The following RPS6KA2 variants were observed in gnomAD, a reference collection of about 807,000 sequenced individuals.
The protein encoded by RPS6KA2 is ribosomal protein S6 kinase alpha-2.
RPS6KA2 carries 42 observed loss-of-function variants against 91.8 expected under a neutral mutation model. That is an observed-to-expected ratio of 0.46 (90% CI 0.36 to 0.59). RPS6KA2 has a LOEUF of 0.59. Among genes scored for constraint, RPS6KA2 ranks in the 20% least tolerant of loss-of-function variants. RPS6KA2 has a pLI of 0.00. For missense variants in RPS6KA2, 798 were observed against 978.5 expected (o/e 0.82, Z 2.46); for synonymous variants, 414 against 393.6 (o/e 1.05, Z -0.61).
In RPS6KA2 at chr6:166,603,800, G is replaced by A. The variant is rs1389624668; in HGVS notation, c.99+23121C>T. On this transcript the variant is annotated intron_variant, in intron 1 of 20. Coordinates refer to ENST00000265678, the MANE Select transcript of RPS6KA2 (RefSeq NM_021135.6). This position sits in a 1 kb window ranked among gnomAD's most constrained non-coding sequence, Gnocchi z 4.3. ...CCAGGTGTATCAAATAAATGCCCCC[G>A]TACTGTTGTTTGCGATAACAAGTCA... 6.6e-6 allele frequency among the ~76,000 whole-genome samples: 1 copy of A among 152,184 alleles called. No individual in the cohort carries two copies. Among genetic ancestry groups the A allele is most frequent in the Non-Finnish European group, 1.5e-5 (1 of 68,026 alleles).
chr6:166,802,411 AAC>A (rs1779390086), intron 2 of RPS6KA2, among the ~76,000 whole-genome samples: 1 of 152,204 alleles, frequency 6.6e-6, no homozygotes, highest in East Asian at 1.9e-4. Context: ...GACTACACAA[AAC>A]ATAAGATTTA....
chr6:166,764,969 C>T (rs2128604646), intron 2 of RPS6KA2, among the ~76,000 whole-genome samples: 1 of 152,372 alleles, frequency 6.6e-6, no homozygotes, highest in South Asian at 2.1e-4. Flanking sequence ...CATCATATGT[C>T]CACGGAGGTG....
chr6:166,647,939 C>CAT, intron 2 of RPS6KA2, among the ~76,000 whole-genome samples: 1 of 148,338 alleles, frequency 6.7e-6, no homozygotes, highest in South Asian at 2.1e-4. Context: ...CGCACATGCT[C>CAT]ATACACACAC....
chr6:166,606,395 A>G (rs1785957032), intron 1 of RPS6KA2, among the ~76,000 whole-genome samples: 1 of 152,276 alleles, frequency 6.6e-6, no homozygotes, highest in Admixed American at 6.5e-5. Context: ...TAATTCTGCA[A>G]AAATATATCC....
chr6:166,827,485 A>G (rs998758892), intron 2 of RPS6KA2, among the ~76,000 whole-genome samples: 3 of 152,184 alleles, frequency 2.0e-5, no homozygotes. Flanking sequence ...TCTCCTGAAT[A>G]TATACATAGT....
chr6:166,780,574 G>A (rs1046200638), intron 2 of RPS6KA2, among the ~76,000 whole-genome samples: 5 of 152,160 alleles, frequency 3.3e-5, no homozygotes, highest in African/African-American at 1.2e-4. Context: ...TACCACAGAA[G>A]CCAGAGGTTC....
intron 2 of RPS6KA2, among the ~76,000 whole-genome samples, chr6:166,749,894 C>G (rs73788116): frequency 0.015 from 2,304 of 151,056 alleles, 54 homozygotes; most frequent in African/African-American, 0.054. Context: ...CTTTCCACCA[C>G]ACAGACTAAG....
rs191505112 is a variant in RPS6KA2, at chr6:166,462,288, G to A, written c.973-2737C>T. Among the ~76,000 whole-genome samples the A allele has an allele frequency of 2.6e-5, 4 of 152,346 alleles. No individual in the cohort carries two copies. In the East Asian group the frequency reaches 5.8e-4, roughly 22 times the overall value. On this transcript the variant is annotated intron_variant, in intron 11 of 20. Transcript: ENST00000265678. ...CCGGTGGGGCAGGGCTGCAGGCTCT[G>A]CCTGGCTTCCTACAGGCCACATCCT...
Position 166,639,824 on chromosome 6 carries a change from T to C in RPS6KA2, c.124-101040A>G, listed in dbSNP as rs907408891. ...CTCCACCCCACAGGCCCTGTTGGGG[T>C]CTCTCCTGGGTTCCTCTAGTTTGCT... On this transcript the variant is annotated intron_variant, in intron 2 of 21. Transcript: ENST00000503859. The surrounding 1 kb of genome is among the most constrained non-coding windows in gnomAD (Gnocchi z 4.2). Among the ~76,000 whole-genome samples, 1 of 151,772 alleles carries C rather than the reference T, an allele frequency of 6.6e-6. No homozygotes were observed. Among genetic ancestry groups the C allele is most frequent in the Non-Finnish European group, 1.5e-5 (1 of 67,962 alleles).
chr6:166,515,922 T>C (rs1782629189), intron 3 of RPS6KA2, among the ~76,000 whole-genome samples: 1 of 152,216 alleles, frequency 6.6e-6, no homozygotes, highest in Non-Finnish European at 1.5e-5. Flanking sequence ...CATCTACCTA[T>C]GACCCGGAAG....
chr6:166,702,131 C>A lies in RPS6KA2; in HGVS notation c.123+156069G>T, dbSNP rs374594812. The A allele has an allele frequency of 2.6e-6, 4 of 1,552,186 alleles. No homozygotes were observed. In the African/African-American group the frequency reaches 5.4e-5, roughly 21 times the overall value. On this transcript the variant is annotated intron_variant, in intron 2 of 21. Transcript: ENST00000503859. The stretch of plus-strand genomic sequence containing the variant: ...CTCAGCAGCCCCTGCATTTTCTTTA[C>A]GGTGGACATCGATTTTAGACTGGGT...
chr6:166,461,973 C>T (rs1167572230), intron 11 of RPS6KA2, among the ~76,000 whole-genome samples: 1 of 152,250 alleles, frequency 6.6e-6, no homozygotes, highest in Non-Finnish European at 1.5e-5. Context: ...AAAGACACTG[C>T]TGGCTGCCAC....
rs78705990 is a variant in RPS6KA2, at chr6:166,825,275, G to A, written c.123+32925C>T. Among the ~76,000 whole-genome samples, 530 of 152,372 alleles carry A rather than the reference G, an allele frequency of 3.5e-3. 2 individuals are homozygous for A. Among genetic ancestry groups the A allele is most frequent in the African/African-American group, 0.012 (512 of 41,584 alleles). On this transcript the variant is annotated intron_variant, in intron 2 of 21. Coordinates refer to the RPS6KA2 transcript ENST00000503859. This position sits in a 1 kb window ranked among gnomAD's most constrained non-coding sequence, Gnocchi z 4.1. ...GAGAATAAAAGGCAGGGCTGATGGT[G>A]CCGTGACTGCTGGGAATCCAGGGTA...
At chr6:166,784,420 A>ATCACCACATAT (rs1169993568) in intron 2 of RPS6KA2, among the ~76,000 whole-genome samples, 1 of 27,078 alleles carries the variant, frequency 3.7e-5, no homozygotes, top group Non-Finnish European at 6.7e-5. Flanking sequence ...ACACCTATGC[A>ATCACCACATAT]GAACCACATA....
At chr6:166,675,315 ACCT>A (rs1160891173) in intron 2 of RPS6KA2, among the ~76,000 whole-genome samples, 4 of 151,856 alleles carry the variant, frequency 2.6e-5, no homozygotes, top group African/African-American at 9.7e-5. Context: ...GTTCCAGCCC[ACCT>A]ACCCCTGCTC....
intron 2 of RPS6KA2, among the ~76,000 whole-genome samples, chr6:166,709,697 C>G (rs1789789644): frequency 6.6e-6 from 1 of 152,218 alleles, no homozygotes; most frequent in African/African-American, 2.4e-5. Flanking sequence ...AGTCCTGGCA[C>G]ATTCCTCAGT....
chr6:166,676,376 T>C (rs1788619965), intron 2 of RPS6KA2, among the ~76,000 whole-genome samples: 1 of 151,156 alleles, frequency 6.6e-6, no homozygotes, highest in Admixed American at 6.6e-5. Context: ...CTTATCCACT[T>C]CTCTTCTCCT....
intron 2 of RPS6KA2, chr6:166,701,279 C>T: frequency 2.5e-6 from 4 of 1,612,126 alleles, no homozygotes; most frequent in South Asian, 2.2e-5. Flanking sequence ...ACAACTTCTG[C>T]ACTTGACAAA....
rs1401484408 is a variant in RPS6KA2 at position 166,603,463 on chromosome 6, G to A, written c.99+23458C>T. ...CACACGGGAGATGGTGTGGGATGTG[G>A]GATCTGAAAGGCTTCATTTGGCCTC... On this transcript the variant is annotated intron_variant, in intron 1 of 20. Transcript: ENST00000265678. This position sits in a 1 kb window ranked among gnomAD's most constrained non-coding sequence, Gnocchi z 4.3. Among the ~76,000 whole-genome samples, 1 of 152,150 alleles carries A rather than the reference G, an allele frequency of 6.6e-6. No individual in the cohort carries two copies. The highest frequency in any genetic ancestry group is 1.5e-5 in the Non-Finnish European group (1 of 68,030).
Sources: gnomAD v4.1 joint callset for allele counts (sites outside exome capture counted in the v4.1 genomes callset) on GRCh38, gnomAD v4.1.1 for gene constraint, Gnocchi (gnomAD v3.1) non-coding constraint, MANE v1.5 for transcripts, NCBI Gene and HGNC (gene_info 2026-07-23, HGNC 2026-07-21) for gene names.